The following TUT4 variants were observed in gnomAD, a reference collection of about 807,000 sequenced individuals.
The protein encoded by TUT4 is terminal uridylyltransferase 4.
A neutral mutation model predicts 192.2 loss-of-function variants in TUT4; 36 were observed. The observed-to-expected ratio is 0.19, with a 90% confidence interval of 0.14 to 0.25. The LOEUF is 0.25. Among genes scored for constraint, TUT4 ranks in the 10% least tolerant of loss-of-function variants. The probability of loss-of-function intolerance (pLI) is 1.00; values close to 1 mark genes in which losing one functional copy is unlikely to be tolerated. For synonymous variants in TUT4, 618 were observed against 666.0 expected, an observed-to-expected ratio of 0.93 and a Z score of 1.11; for missense variants, 1,493 against 1,957.2, an observed-to-expected ratio of 0.76 and a Z score of 4.47.
intron 5 of TUT4, among the ~76,000 whole-genome samples, chr1:52,496,324 C>T (rs1672431599): frequency 6.6e-6 from 1 of 151,974 alleles, no homozygotes; most frequent in Non-Finnish European, 1.5e-5. Flanking sequence ...AACAAGGATT[C>T]AATGTATTTT....
At chr1:52,458,550 G>T (rs1661602298) in intron 19 of TUT4, 101 bp from the exon 20 acceptor site, 2 of 808,754 alleles carry the variant, frequency 2.5e-6, no homozygotes, top group Non-Finnish European at 3.9e-6. Flanking sequence ...CACAGAACTG[G>T]GTTAAACTGA....
At chr1:52,507,918 C>T (rs533049512) in intron 4 of TUT4, among the ~76,000 whole-genome samples, 8 of 152,202 alleles carry the variant, frequency 5.3e-5, no homozygotes, top group African/African-American at 1.4e-4. Flanking sequence ...TCAAACAATT[C>T]TTATACCTCA....
chr1:52,494,641 G>A (rs910936164), intron 6 of TUT4, among the ~76,000 whole-genome samples: 4 of 152,124 alleles, frequency 2.6e-5, no homozygotes, highest in South Asian at 2.1e-4. Context: ...GCAGTCAGCC[G>A]AGACTGCATC....
intron 4 of TUT4, among the ~76,000 whole-genome samples, chr1:52,504,642 A>C (rs1011881813): frequency 6.6e-6 from 1 of 152,156 alleles, no homozygotes; most frequent in African/African-American, 2.4e-5. Context: ...AAAAAAACAA[A>C]CATGTTATTA....
At chr1:52,488,330 T>G (rs540126965) in intron 9 of TUT4, among the ~76,000 whole-genome samples, 1 of 152,198 alleles carries the variant, frequency 6.6e-6, no homozygotes. Flanking sequence ...CTCTCTCTAG[T>G]CATTTGGACT....
At chr1:52,438,402 G>T in intron 24 of TUT4, 67 bp from the exon 25 acceptor site, 1 of 1,052,146 alleles carries the variant, frequency 9.5e-7, no homozygotes, top group South Asian at 1.4e-5. Context: ...ATGGAAAGAA[G>T]ACCAAGATGC....
chr1:52,450,994 G>T (rs113680944), intron 20 of TUT4, among the ~76,000 whole-genome samples: 1 of 152,146 alleles, frequency 6.6e-6, no homozygotes, highest in African/African-American at 2.4e-5. Context: ...GGCTGGGCGC[G>T]GTGGCACACG....
chr1:52,457,184 GCTAT>G (rs1661211337), intron 20 of TUT4, among the ~76,000 whole-genome samples: 2 of 151,794 alleles, frequency 1.3e-5, no homozygotes, highest in South Asian at 2.1e-4. Context: ...ACTTACTAAG[GCTAT>G]CTGACACCTA....
chr1:52,435,911 G>GTCTCTCTC (rs143687198), intron 26 of TUT4, among the ~76,000 whole-genome samples: 13 of 147,824 alleles, frequency 8.8e-5, no homozygotes, highest in African/African-American at 3.2e-4. Context: ...CTCTCTCTAT[G>GTCTCTCTC]TCTCTCTCTC....
intron 16 of TUT4, among the ~76,000 whole-genome samples, chr1:52,464,620 C>G (rs1301691691): frequency 2.0e-5 from 3 of 152,138 alleles, no homozygotes; most frequent in Non-Finnish European, 4.4e-5. Flanking sequence ...AAAATTATAA[C>G]TAACTTTTAG....
At chr1:52,516,122 C>A in intron 2 of TUT4, 68 bp from the exon 3 acceptor site, 1 of 1,246,514 alleles carries the variant, frequency 8.0e-7, no homozygotes, top group Non-Finnish European at 1.1e-6. Flanking sequence ...TAATGGAAAA[C>A]AGACATTAAA....
intron 9 of TUT4, among the ~76,000 whole-genome samples, chr1:52,484,556 C>T (rs1036136254): frequency 2.6e-5 from 4 of 152,172 alleles, no homozygotes; most frequent in Admixed American, 6.5e-5. Context: ...CATACTCCTA[C>T]ATTTTTCTTC....
intron 2 of TUT4, among the ~76,000 whole-genome samples, chr1:52,518,830 C>G (rs1437267961): frequency 3.9e-5 from 6 of 152,132 alleles, no homozygotes; most frequent in Non-Finnish European, 8.8e-5. Flanking sequence ...GGGAGTAACT[C>G]TTAATGGGCA....
chr1:52,498,903 TA>T (rs1459235307), intron 4 of TUT4, among the ~76,000 whole-genome samples: 474 of 996 alleles, frequency 0.48, 29 homozygotes, highest in African/African-American at 0.5. Flanking sequence ...AAAAAAAAAT[TA>T]TATATATATA....
chr1:52,491,190 T>C (rs1671057537), intron 7 of TUT4, among the ~76,000 whole-genome samples: 1 of 152,186 alleles, frequency 6.6e-6, no homozygotes, highest in Non-Finnish European at 1.5e-5. Context: ...GGAGGACCTA[T>C]CATGCTTTGA....
intron 12 of TUT4, 137 bp downstream of exon 12, chr1:52,477,571 A>C: frequency 1.1e-6 from 1 of 921,538 alleles, no homozygotes; most frequent in South Asian, 2.2e-5. Context: ...TGTCTCTAAA[A>C]AAATTAAAAA....
At chr1:52,467,132 G>A (rs574750648) in intron 15 of TUT4, among the ~76,000 whole-genome samples, 2 of 152,188 alleles carry the variant, frequency 1.3e-5, no homozygotes, top group African/African-American at 4.8e-5. Flanking sequence ...GCAACAGAGT[G>A]AGAACCTGTC....
chr1:52,502,306 C>A (rs1295668312), intron 4 of TUT4, among the ~76,000 whole-genome samples: 1 of 152,164 alleles, frequency 6.6e-6, no homozygotes, highest in African/African-American at 2.4e-5. Flanking sequence ...TAAACAGTCA[C>A]CAGTCTCCAA....
In TUT4 at chr1:52,481,768, T is replaced by C. The variant is rs766818116; in HGVS notation, c.1635+36A>G. 9.0e-6 allele frequency: 14 copies of C among 1,555,270 alleles called. No individual in the cohort carries two copies. In the African/African-American group the frequency reaches 1.4e-4, roughly 15 times the overall value. On this transcript the variant is annotated intron_variant, in intron 10 of 29. Coordinates refer to ENST00000257177, the MANE Select transcript of TUT4 (RefSeq NM_001009881.3). ...GTTCTCTGCAAGAGCAAACTATATA[T>C]ATATATGCATATATATGTCACAAAT...
Sources: allele counts gnomAD v4.1 joint callset (sites outside exome capture counted in the v4.1 genomes callset), GRCh38; gene constraint gnomAD v4.1.1; transcripts MANE v1.5; gene names NCBI Gene and HGNC (gene_info 2026-07-23, HGNC 2026-07-21).